The following HPD variants were observed in gnomAD, a reference collection of about 807,000 sequenced individuals.
HPD encodes the protein 4-hydroxyphenylpyruvate dioxygenase, also known as 4-hydroxyphenylpyruvic acid oxidase.
In HPD, 35 loss-of-function variants were observed where a neutral mutation model predicts 56.9. The ratio of observed to expected loss-of-function variants is 0.62; its 90% CI spans 0.47 to 0.82. HPD has a LOEUF of 0.82. Ranked by LOEUF, HPD falls within the 40% of genes least tolerant of loss-of-function variation. The pLI is 0.00. For synonymous variants in HPD, 186 were observed against 200.2 expected (o/e 0.93, Z 0.60); for missense variants, 442 against 506.8 (o/e 0.87, Z 1.23).
At chr12:121,863,017 A>C (rs1333564068), upstream of HPD, among the ~76,000 whole-genome samples, 1 of 117,148 alleles carries the variant, frequency 8.5e-6, no homozygotes, top group Non-Finnish European at 1.7e-5. Flanking sequence ...TGGTCTTGGG[A>C]TGTCTCCCAA....
intron 7 of HPD, among the ~76,000 whole-genome samples, chr12:121,850,970 T>A (rs1877752724): frequency 6.6e-6 from 1 of 151,802 alleles, no homozygotes; most frequent in Non-Finnish European, 1.5e-5. Flanking sequence ...TTCAAGCGAT[T>A]CTCCTGCCTC....
At chr12:121,862,631 A>G (rs1188141990), upstream of HPD, among the ~76,000 whole-genome samples, 178 of 81,924 alleles carry the variant, frequency 2.2e-3, 1 homozygote, top group African/African-American at 8.8e-3. Context: ...TTTTTGAGAC[A>G]GAGTCTCCCT....
the HPD span, among the ~76,000 whole-genome samples, chr12:121,884,194 G>A: frequency 8.1e-4 from 117 of 143,874 alleles, no homozygotes; most frequent in African/African-American, 2.8e-3. Flanking sequence ...TTTTTGAGAC[G>A]GAGTTTCGCT....
the HPD span, among the ~76,000 whole-genome samples, chr12:121,873,261 A>G: frequency 6.6e-6 from 1 of 152,136 alleles, no homozygotes; most frequent in Admixed American, 6.6e-5. Context: ...AGCTGTAGGG[A>G]GACTGGTTGG....
rs200336599 is a variant in HPD at position 121,840,995 on chromosome 12, A to T, written c.955-947T>A. On this transcript the variant is annotated intron_variant, in intron 12 of 13. Transcript: ENST00000289004. ...AATCACCCGAGGTCAGGAGTTCGAG[A>T]CCAGCCTGGCCAACATGGTGAAACC... 4.0e-4 allele frequency among the ~76,000 whole-genome samples: 60 copies of T among 151,798 alleles called. 1 individual carries two copies. In the East Asian group the frequency reaches 0.011, roughly 28 times the overall value.
intron 6 of HPD, 22 bp from the exon 7 acceptor site, chr12:121,854,814 G>T: frequency 6.3e-7 from 1 of 1,592,592 alleles, no homozygotes; most frequent in Non-Finnish European, 8.6e-7. Context: ...ATGGGATCGG[G>T]GAATTGGTGA....
At chr12:121,859,175 G>A (rs369521015), upstream of HPD, 107 of 392,098 alleles carry the variant, frequency 2.7e-4, no homozygotes, top group South Asian at 1.6e-3. Context: ...GTGCAGTGGC[G>A]GCTCCAGAAC....
At chr12:121,872,278 C>T in the HPD span, among the ~76,000 whole-genome samples, 1 of 148,658 alleles carries the variant, frequency 6.7e-6, no homozygotes, top group Admixed American at 6.7e-5. Context: ...GTCGCCCAGG[C>T]TGGAGTGCAA....
chr12:121,867,718 T>C (rs541189394), upstream of HPD, among the ~76,000 whole-genome samples: 1 of 152,292 alleles, frequency 6.6e-6, no homozygotes, highest in East Asian at 1.9e-4. Flanking sequence ...TTTGCCATGT[T>C]GGCTCGGCTG....
the HPD span, among the ~76,000 whole-genome samples, chr12:121,870,209 A>C: frequency 2.6e-5 from 4 of 152,158 alleles, no homozygotes; most frequent in African/African-American, 9.7e-5. Context: ...AACACAAACT[A>C]AATTCCCATT....
chr12:121,856,268 G>T (rs1877991360), intron 6 of HPD, 56 bp downstream of exon 6: 1 of 1,380,472 alleles, frequency 7.2e-7, no homozygotes, highest in African/African-American at 1.4e-5. Flanking sequence ...TGACTGATGG[G>T]GTCCCCATGG....
intron 2 of HPD, 149 bp downstream of exon 2, chr12:121,858,538 C>T (rs1415536375): frequency 6.0e-6 from 5 of 828,360 alleles, no homozygotes; most frequent in Non-Finnish European, 1.0e-5. Context: ...CTCGGGGAGC[C>T]CCGGGGGTAA....
rs773926522 is a variant in HPD at position 121,839,793 on chromosome 12, C to T, written c.1117G>A (p.Glu373Lys). The T allele has an allele frequency of 3.1e-6, 5 of 1,614,124 alleles. No individual in the cohort carries two copies. The African/African-American group carries it at 5.3e-5, about 17-fold the overall frequency. The change falls in exon 14 of 14, where the codon GAG becomes AAG. Residue 373 changes from glutamate (E) to lysine (K), a missense_variant. Coordinates refer to ENST00000289004, the MANE Select transcript of HPD (RefSeq NM_002150.3). ...AGGTTACCCCGCAGGTTCTGCTCCTCCTCGAAAGCCTTGAACAGTGAGTTG... is the reference window on the plus strand; with the variant it reads ...AGGTTACCCCGCAGGTTCTGCTCCTTCTCGAAAGCCTTGAACAGTGAGTTG... ...NFNSLFKAFE[E>K]EQNLRGNLTN...
the HPD span, chr12:121,874,342 T>C: frequency 2.6e-5 from 4 of 152,226 alleles, no homozygotes; most frequent in East Asian, 5.8e-4. Flanking sequence ...CTAGGCCGTG[T>C]GCGGTGGCTC....
At position 121,839,770 on chromosome 12, in the gene HPD, G is replaced by T. The variant is rs770550811; in HGVS notation, c.1140C>A (p.Asn380Lys). 37 of 1,614,072 alleles carry T rather than the reference G, an allele frequency of 2.3e-5. No individual in the cohort carries two copies. The highest frequency in any genetic ancestry group is 3.1e-5 in the Non-Finnish European group (37 of 1,180,028). ...AFEEEQNLRG[N>K]LTNMETNGVV... ...CCCCATTGGTCTCCATGTTGGTGAG[G>T]TTACCCCGCAGGTTCTGCTCCTCCT... The change falls in exon 14 of 14, where the codon AAC becomes AAA. Residue 380 changes from asparagine to lysine, a missense_variant. Physicochemically the swap from Asn to Lys is moderately conservative, Grantham distance 94 (BLOSUM62 0). Transcript: ENST00000289004.
Position 121,857,362 on chromosome 12 carries a change from C to T in HPD, c.164G>A (p.Arg55Gln), listed in dbSNP as rs147200520. The change falls in exon 4 of 14, where the codon CGG becomes CAG. Residue 55 changes from arginine (R) to glutamine (Q), a missense_variant. By Grantham distance (43) the Arg-to-Gln change is conservative. Transcript: ENST00000289004. ...LAYRGLETGS[R>Q]EVVSHVIKQG... is the part of the protein sequence containing the mutation. ...TTTGATTACATGGCTGACCACCTCC[C>T]GGGAACCGGTCTCCAGGCCCCTGTA... The T allele has an allele frequency of 5.5e-5, 88 of 1,613,862 alleles. No homozygotes were observed. The highest frequency in any genetic ancestry group is 3.6e-4 in the African/African-American group (27 of 74,904).
chr12:121,868,520 CTTT>C (rs869188699), upstream of HPD, among the ~76,000 whole-genome samples: 5 of 12,520 alleles, frequency 4.0e-4, no homozygotes, highest in Admixed American at 3.7e-3. Flanking sequence ...TTTCTTTTTT[CTTT>C]TTTTTTTTTT....
the HPD span, among the ~76,000 whole-genome samples, chr12:121,874,838 C>T: frequency 7.3e-5 from 11 of 151,626 alleles, no homozygotes; most frequent in South Asian, 6.3e-4. Flanking sequence ...CTCTGCCCAC[C>T]GCAACCTCTG....
At chr12:121,860,264 T>C (rs1379214214), upstream of HPD, among the ~76,000 whole-genome samples, 1 of 152,136 alleles carries the variant, frequency 6.6e-6, no homozygotes, top group Non-Finnish European at 1.5e-5. Context: ...CTGTGTAGCC[T>C]GCCTATCCCC....
Sources: gnomAD v4.1 joint callset for allele counts (sites outside exome capture counted in the v4.1 genomes callset) on GRCh38, gnomAD v4.1.1 for gene constraint, MANE v1.5 for transcripts, NCBI Gene and HGNC (gene_info 2026-07-23, HGNC 2026-07-21) for gene names.